ZPLD1: variants seen among roughly 807,000 people sequenced by gnomAD.
ZPLD1 encodes zona pellucida-like domain-containing protein 1.
A neutral mutation model predicts 47.2 loss-of-function variants in ZPLD1; 34 were observed. The observed-to-expected ratio is 0.72, with a 90% confidence interval of 0.55 to 0.96. The LOEUF is 0.96. ZPLD1 is among the 40% of genes least tolerant of loss of function. ZPLD1 has a pLI of 0.00. For synonymous variants in ZPLD1, 176 were observed against 186.2 expected (o/e 0.95, Z 0.45); for missense variants, 512 against 505.8 (o/e 1.01, Z -0.12).
At chr3:102,434,445 G>A (rs151325017), upstream of ZPLD1, among the ~76,000 whole-genome samples, 76 of 152,238 alleles carry the variant, frequency 5.0e-4, 1 homozygote, top group East Asian at 0.014. Context: ...ATATTTGACA[G>A]CAAATCACTT....
At chr3:102,393,122 A>T (rs1236290102) in intron 7 of ZPLD1, among the ~76,000 whole-genome samples, 1 of 152,188 alleles carries the variant, frequency 6.6e-6, no homozygotes, top group Non-Finnish European at 1.5e-5. Flanking sequence ...TTGTAATTAT[A>T]TATTGGAACT....
At chr3:102,397,162 C>T (rs1706567497) in intron 7 of ZPLD1, among the ~76,000 whole-genome samples, 1 of 151,976 alleles carries the variant, frequency 6.6e-6, no homozygotes, top group South Asian at 2.1e-4. Flanking sequence ...TGATTACAGT[C>T]AGAAAAAAAT....
chr3:102,453,195 C>T (rs1707365966), intron 4 of ZPLD1, 56 bp downstream of exon 4: 1 of 1,475,198 alleles, frequency 6.8e-7, no homozygotes, highest in African/African-American at 1.4e-5. Context: ...AAAATCTCCC[C>T]ATTTCATGAA....
chr3:102,435,012 A>C, upstream of ZPLD1: 1 of 1,287,620 alleles, frequency 7.8e-7, no homozygotes, highest in Non-Finnish European at 1.1e-6. Context: ...TTTTTGAGGA[A>C]TGTAAAGGGT....
chr3:102,459,719 A>G (rs1707476485), intron 6 of ZPLD1, among the ~76,000 whole-genome samples: 1 of 152,254 alleles, frequency 6.6e-6, no homozygotes, highest in African/African-American at 2.4e-5. Flanking sequence ...GTTTGGCAGA[A>G]AAGTTGATTA....
chr3:102,420,274 T>A (rs999630116), intron 8 of ZPLD1, among the ~76,000 whole-genome samples: 1 of 151,936 alleles, frequency 6.6e-6, no homozygotes, highest in African/African-American at 2.4e-5. Context: ...GAAAAATATA[T>A]TAATGAGAAA....
At chr3:102,401,516 C>T (rs973403230) in intron 7 of ZPLD1, among the ~76,000 whole-genome samples, 41 of 152,070 alleles carry the variant, frequency 2.7e-4, no homozygotes, top group African/African-American at 9.7e-4. Flanking sequence ...TTTGTCTTCA[C>T]ACGATACCTT....
chr3:102,460,289 T>C (rs1195543627), intron 6 of ZPLD1, among the ~76,000 whole-genome samples: 3 of 152,018 alleles, frequency 2.0e-5, no homozygotes, highest in Admixed American at 2.0e-4. Context: ...TCTGATTTGT[T>C]ATTTGGAGAG....
At chr3:102,462,665 C>A (rs1463133413) in intron 7 of ZPLD1, among the ~76,000 whole-genome samples, 1 of 151,930 alleles carries the variant, frequency 6.6e-6, no homozygotes, top group East Asian at 1.9e-4. Flanking sequence ...ATCTCTTCAT[C>A]AGAAAGATGA....
chr3:102,442,051 T>A (rs899415919), intron 3 of ZPLD1, among the ~76,000 whole-genome samples: 2 of 152,166 alleles, frequency 1.3e-5, no homozygotes, highest in African/African-American at 2.4e-5. Flanking sequence ...GAGAAAGACA[T>A]TCCTGGGTCA....
intron 7 of ZPLD1, among the ~76,000 whole-genome samples, chr3:102,410,631 C>T (rs1262916421): frequency 6.7e-6 from 1 of 149,158 alleles, no homozygotes; most frequent in African/African-American, 2.4e-5. Context: ...CTTTCAGCAA[C>T]CTAACATTGG....
intron 7 of ZPLD1, among the ~76,000 whole-genome samples, chr3:102,396,309 T>C (rs1347534785): frequency 6.6e-6 from 1 of 152,188 alleles, no homozygotes; most frequent in Non-Finnish European, 1.5e-5. Context: ...ATAGGCCTCA[T>C]AGAGTAATCT....
chr3:102,399,648 C>T (rs1445984732), intron 7 of ZPLD1, among the ~76,000 whole-genome samples: 2 of 151,802 alleles, frequency 1.3e-5, no homozygotes, highest in African/African-American at 4.8e-5. Context: ...CAGTCTTTCT[C>T]AACTACAAAG....
chr3:102,476,873 T>A lies in ZPLD1; in HGVS notation c.1043-139T>A, dbSNP rs974084896. 4.3e-6 allele frequency: 4 copies of A among 936,900 alleles called. No individual in the cohort carries two copies. The South Asian group carries it at 6.3e-5, about 15-fold the overall frequency. 58.0% of individuals were successfully genotyped at this position (936,900 alleles called of 1,614,324 possible). ...TTTAGGGGGACTTTCATTTTTGCCT[T>A]ACTCAAGGAGATTATGGGTGGACGT... On this transcript the variant is annotated intron_variant, in intron 10 of 11. Transcript: ENST00000466937.
intron 6 of ZPLD1, among the ~76,000 whole-genome samples, chr3:102,390,457 A>T (rs757167741): frequency 6.6e-6 from 1 of 152,216 alleles, no homozygotes; most frequent in Admixed American, 6.5e-5. Flanking sequence ...ATCCATAAAA[A>T]CATATCCTAA....
intron 6 of ZPLD1, among the ~76,000 whole-genome samples, chr3:102,459,508 G>T: frequency 6.6e-6 from 1 of 152,134 alleles, no homozygotes; most frequent in Non-Finnish European, 1.5e-5. Flanking sequence ...TTATCATTAA[G>T]AGATGGTACT....
At chr3:102,440,360 T>A (rs1213639360) in intron 3 of ZPLD1, among the ~76,000 whole-genome samples, 1 of 152,114 alleles carries the variant, frequency 6.6e-6, no homozygotes, top group Non-Finnish European at 1.5e-5. Flanking sequence ...GATATTTTTG[T>A]GGTAGACTCA....
intron 6 of ZPLD1, 66 bp from the exon 7 acceptor site, chr3:102,462,215 G>C: frequency 1.0e-6 from 1 of 976,754 alleles, no homozygotes. Flanking sequence ...TAATATTGTT[G>C]TTTTAAGTAG....
At chr3:102,435,884 C>T (rs1707083627) in intron 1 of ZPLD1, among the ~76,000 whole-genome samples, 1 of 152,296 alleles carries the variant, frequency 6.6e-6, no homozygotes, top group Non-Finnish European at 1.5e-5. Flanking sequence ...CCTCATGATC[C>T]ACCCGCCTCG....
Sources: gnomAD v4.1 joint callset for allele counts (sites outside exome capture counted in the v4.1 genomes callset) on GRCh38, gnomAD v4.1.1 for gene constraint, MANE v1.5 for transcripts, NCBI Gene and HGNC (gene_info 2026-07-23, HGNC 2026-07-21) for gene names.